The following VPS13D variants were observed in gnomAD, a reference collection of about 807,000 sequenced individuals.
VPS13D encodes vacuolar protein sorting 13 homolog D, also known as intermembrane lipid transfer protein VPS13D.
VPS13D carries 187 observed loss-of-function variants against 461.9 expected under a neutral mutation model. The observed-to-expected ratio is 0.40, with a 90% CI of 0.36 to 0.46. The LOEUF (loss-of-function observed/expected upper bound fraction) is 0.46, where lower values mean the gene tolerates loss of function less well. Among genes scored for constraint, VPS13D ranks in the 20% least tolerant of loss-of-function variants. The pLI is 0.60. For synonymous variants in VPS13D, 1,951 were observed against 1,986.3 expected (o/e 0.98, Z 0.47); for missense variants, 4,711 against 5,364.9 (o/e 0.88, Z 3.81).
chr1:12,235,447 G>A (rs191634665), intron 2 of VPS13D, among the ~76,000 whole-genome samples: 1 of 152,186 alleles, frequency 6.6e-6, no homozygotes, highest in Non-Finnish European at 1.5e-5. Context: ...GTGGTGGCGG[G>A]TGCCTGTAAT....
At chr1:12,302,676 A>G (rs1642457124) in intron 25 of VPS13D, among the ~76,000 whole-genome samples, 1 of 152,164 alleles carries the variant, frequency 6.6e-6, no homozygotes, top group African/African-American at 2.4e-5. Context: ...TCAGCAGTCA[A>G]TCCACATTCA....
In VPS13D at chr1:12,491,268, A is replaced by G. The variant is rs748888181; in HGVS notation, c.12663-6232A>G. Among the ~76,000 whole-genome samples the G allele has an allele frequency of 3.2e-4, 48 of 152,248 alleles. 1 individual carries two copies. The highest frequency in any genetic ancestry group is 6.0e-4 in the Non-Finnish European group (41 of 68,044). ...AAACATTCTATGATGCTAACGTCAC[A>G]TGTGTGACATACACTTTCTACTCAC... is the stretch of plus-strand genomic sequence containing the variant. On this transcript the variant is annotated intron_variant, in intron 67 of 69. Coordinates refer to ENST00000620676, the MANE Select transcript of VPS13D (RefSeq NM_015378.4).
At position 12,277,610 on chromosome 1, in the gene VPS13D, C is replaced by T. The variant is rs12407578; in HGVS notation, c.4022C>T (p.Ser1341Leu). Reference protein sequence around the residue: ...TKTAEYSEMVSLFETPRKTRE... With the variant: ...TKTAEYSEMVLLFETPRKTRE... ...ACTGCCGAGTATAGCGAGATGGTAT[C>T]GCTCTTTGAAACTCCAAGGAAGACT... Residue 1341 changes from serine (S) to leucine (L), a missense_variant, in exon 19 of 70, where the codon TCG becomes TTG. By Grantham distance (145) the Ser-to-Leu change is moderately radical (BLOSUM62 -2). This residue lies in a region of VPS13D where 4,411 missense variants were observed against 4,937.8 expected (regional missense o/e 0.89). Transcript: ENST00000620676. 3.9e-3 allele frequency: 6,239 copies of T among 1,613,898 alleles called. 16 individuals are homozygous for T. The highest frequency in any genetic ancestry group is 5.4e-3 in the Middle Eastern group (33 of 6,062).
intron 36 of VPS13D, 119 bp downstream of exon 36, chr1:12,327,973 T>A: frequency 9.8e-7 from 1 of 1,015,584 alleles, no homozygotes; most frequent in African/African-American, 1.6e-5. Flanking sequence ...GAAATTTAGA[T>A]AATAGTTTTA....
chr1:12,312,051 CTTT>C, intron 29 of VPS13D, 126 bp downstream of exon 29: 1 of 627,134 alleles, frequency 1.6e-6, no homozygotes, highest in Non-Finnish European at 2.5e-6. Flanking sequence ...TGCAGAGTGT[CTTT>C]TGGTTGATCT....
chr1:12,441,710 C>T (rs531093759), intron 65 of VPS13D, among the ~76,000 whole-genome samples: 10 of 152,254 alleles, frequency 6.6e-5, no homozygotes, highest in East Asian at 5.8e-4. Context: ...CATCTGGAGT[C>T]GCAAAGATCT....
At chr1:12,312,564 C>T (rs1035047858) in intron 29 of VPS13D, among the ~76,000 whole-genome samples, 1 of 152,094 alleles carries the variant, frequency 6.6e-6, no homozygotes, top group African/African-American at 2.4e-5. Flanking sequence ...TCCAGACTGG[C>T]CTGGGCAACA....
In VPS13D at chr1:12,257,101, A is replaced by C. The variant is rs1265245552; in HGVS notation, c.941+14A>C. The C allele has an allele frequency of 1.2e-6, 2 of 1,610,800 alleles. No homozygotes were observed. The highest frequency in any genetic ancestry group is 2.2e-5 in the South Asian group (2 of 90,998). On this transcript the variant is annotated intron_variant, in intron 9 of 69. Transcript: ENST00000620676. ...GATATCTAAGAAGTAAGGGCTTCTC[A>C]GTGTGGTCATGAAATTCATGTTAGA...
chr1:12,398,116 A>G (rs1010022379), intron 60 of VPS13D, among the ~76,000 whole-genome samples: 4 of 152,228 alleles, frequency 2.6e-5, no homozygotes, highest in African/African-American at 9.6e-5. Flanking sequence ...TGGCTGCTAT[A>G]TAGAGAATAC....
Position 12,509,329 on chromosome 1 carries a change from G to A in VPS13D, c.*305G>A, listed in dbSNP as rs1646154940. 1 of 270,694 alleles carries A rather than the reference G, an allele frequency of 3.7e-6. No individual in the cohort carries two copies. The highest frequency in any genetic ancestry group is 6.9e-6 in the Non-Finnish European group (1 of 143,992). 16.8% of individuals were successfully genotyped at this position (270,694 alleles called of 1,614,324 possible). ...CTGTATTTTGTTAACATGTATATAT[G>A]TACAACAGTGTGTTTGTAAATATAT... On this transcript the variant is annotated 3_prime_UTR_variant, in exon 70 of 70. Transcript: ENST00000620676.
chr1:12,299,241 G>T lies in VPS13D; in HGVS notation c.6073G>T (p.Asp2025Tyr), dbSNP rs145787316. Residue 2025 changes from aspartate to tyrosine, a missense_variant, in exon 25 of 70, where the codon GAT becomes TAT. Asp to Tyr is a radical substitution (Grantham distance 160). Around this residue, in one of 3 missense-constraint regions of VPS13D, gnomAD observed 4,411 missense variants for 4,937.8 expected, o/e 0.89. Coordinates refer to ENST00000620676, the MANE Select transcript of VPS13D (RefSeq NM_015378.4). This position sits in a 1 kb window ranked among gnomAD's most constrained non-coding sequence, Gnocchi z 4.2. ...CCAGCGCTGTTCACGGGTTCTCCTG[G>T]ATATTGAGGCTGGTGCTCCCGTTCT... ...QAQRCSRVLL[D>Y]IEAGAPVLLI... 13 of 1,613,444 alleles carry T rather than the reference G, an allele frequency of 8.1e-6. No individual in the cohort carries two copies. Among genetic ancestry groups the T allele is most frequent in the Non-Finnish European group, 1.1e-5 (13 of 1,179,924 alleles).
chr1:12,273,818 TG>T lies in VPS13D; in HGVS notation c.2236+684del, dbSNP rs1641527500. On this transcript the variant is annotated intron_variant, in intron 18 of 69. Transcript: ENST00000620676. ...TTCATTTGTTCATGGCCATTTGAGT[TG>T]CTTCCACTCTTTTGCTATTAGGCAT... Among the ~76,000 whole-genome samples the T allele has an allele frequency of 1.3e-5, 2 of 152,216 alleles. 1 individual carries two copies. Among genetic ancestry groups the T allele is most frequent in the South Asian group, 4.1e-4 (2 of 4,826 alleles).
chr1:12,478,829 A>G (rs1386013170), intron 67 of VPS13D: 2 of 455,968 alleles, frequency 4.4e-6, no homozygotes, highest in African/African-American at 4.0e-5. Context: ...GGCTGACACC[A>G]CAGGAAACCT....
chr1:12,353,791 A>C (rs925886146), intron 46 of VPS13D, among the ~76,000 whole-genome samples, 183 bp from the exon 47 acceptor site: 2 of 152,154 alleles, frequency 1.3e-5, no homozygotes, highest in Non-Finnish European at 2.9e-5. Flanking sequence ...ATCAAACTGA[A>C]CATTTAAAAT....
In VPS13D at chr1:12,261,977, C is replaced by G; in HGVS notation, c.1491C>G (p.Ala497=). The G allele has an allele frequency of 1.2e-6, 2 of 1,614,170 alleles. No individual in the cohort carries two copies. Residue 497 remains alanine, a synonymous_variant, in exon 13 of 70, where the codon GCC becomes GCG. Coordinates refer to ENST00000620676, the MANE Select transcript of VPS13D (RefSeq NM_015378.4). ...NTYTKRDHVF[A]KLNLQLQRGT... ...ATACAAAGCGAGATCATGTCTTTGC[C>G]AAACTGAATTTGCAGTTGCAGCGAG...
intron 62 of VPS13D, among the ~76,000 whole-genome samples, chr1:12,403,502 A>G (rs770943248): frequency 7.2e-5 from 11 of 152,264 alleles, no homozygotes; most frequent in African/African-American, 1.2e-4. Flanking sequence ...GTCATTGATA[A>G]TAACATTGCT....
chr1:12,271,771 A>G (rs971826209), intron 17 of VPS13D, among the ~76,000 whole-genome samples: 12 of 152,206 alleles, frequency 7.9e-5, no homozygotes, highest in African/African-American at 2.9e-4. Flanking sequence ...TACTGTTACC[A>G]GAAGAGACAA....
chr1:12,344,414 A>G lies in VPS13D; in HGVS notation c.8886-960A>G, dbSNP rs78303918. On this transcript the variant is annotated intron_variant, in intron 42 of 69. Coordinates refer to ENST00000620676, the MANE Select transcript of VPS13D (RefSeq NM_015378.4). The stretch of plus-strand genomic sequence containing the variant: ...GTGGGTCTCCAGGGATTTTATAGGG[A>G]AAAAAAAAATCACTATGCTGGGCAC... 5.8e-3 allele frequency among the ~76,000 whole-genome samples: 873 copies of G among 150,252 alleles called. 9 individuals are homozygous for G. The highest frequency in any genetic ancestry group is 0.019 in the African/African-American group (784 of 41,012).
At chr1:12,288,164 C>A (rs532117816) in intron 21 of VPS13D, 59 bp from the exon 22 acceptor site, 4 of 1,462,652 alleles carry the variant, frequency 2.7e-6, no homozygotes, top group Non-Finnish European at 3.8e-6. Context: ...TGCCGTTTTC[C>A]TGAAAGATAC....
Sources: gnomAD v4.1 joint callset for allele counts (sites outside exome capture counted in the v4.1 genomes callset) on GRCh38, gnomAD v4.1.1 for gene constraint, gnomAD v4.1.1 regional missense constraint, Gnocchi (gnomAD v3.1) non-coding constraint, MANE v1.5 for transcripts, NCBI Gene and HGNC (gene_info 2026-07-23, HGNC 2026-07-21) for gene names.